Variants in EPHA6 observed in about 807,000 individuals in gnomAD.
EPHA6 encodes the protein EPH receptor A6, also known as ephrin type-A receptor 6.
In EPHA6, 50 loss-of-function variants were observed where a neutral mutation model predicts 112.0. The observed-to-expected ratio is 0.45, with a 90% confidence interval of 0.36 to 0.56. The LOEUF is 0.56. Among genes scored for constraint, EPHA6 ranks in the 20% least tolerant of loss-of-function variants. EPHA6 has a pLI of 0.00. For synonymous variants in EPHA6, 529 were observed against 490.7 expected (o/e 1.08, Z -1.03); for missense variants, 1,280 against 1,417.4 (o/e 0.90, Z 1.56).
chr3:97,536,277 T>C (rs2092762899), intron 11 of EPHA6, among the ~76,000 whole-genome samples: 1 of 152,130 alleles, frequency 6.6e-6, no homozygotes, highest in South Asian at 2.1e-4. Context: ...GGTTTAATGA[T>C]GAAGAAATAC....
intron 3 of EPHA6, among the ~76,000 whole-genome samples, chr3:97,118,114 T>C (rs1215154816): frequency 1.3e-5 from 2 of 151,836 alleles, no homozygotes; most frequent in Non-Finnish European, 1.5e-5. Flanking sequence ...TAAATGATTA[T>C]ATTTCATTAA....
chr3:97,581,790 C>G (rs2093440958), intron 11 of EPHA6, among the ~76,000 whole-genome samples: 1 of 152,186 alleles, frequency 6.6e-6, no homozygotes, highest in African/African-American at 2.4e-5. Context: ...TTTGCTGCCT[C>G]CTGAGGGAGC....
At chr3:97,303,596 G>A (rs1430445011) in intron 5 of EPHA6, among the ~76,000 whole-genome samples, 3 of 151,962 alleles carry the variant, frequency 2.0e-5, no homozygotes, top group Non-Finnish European at 4.4e-5. Context: ...ATTGGTACCA[G>A]CATAGAGAAA....
At chr3:97,306,643 G>C (rs2081332392) in intron 5 of EPHA6, among the ~76,000 whole-genome samples, 1 of 151,794 alleles carries the variant, frequency 6.6e-6, no homozygotes. Flanking sequence ...GGATGTACAG[G>C]AAACAAGCAA....
At chr3:97,270,068 A>G (rs2079828836) in intron 5 of EPHA6, among the ~76,000 whole-genome samples, 1 of 152,214 alleles carries the variant, frequency 6.6e-6, no homozygotes, top group Non-Finnish European at 1.5e-5. Flanking sequence ...TATCTTTCAT[A>G]TCTTGAGTTT....
chr3:97,376,933 G>A (rs759074018), intron 5 of EPHA6, among the ~76,000 whole-genome samples: 2 of 152,080 alleles, frequency 1.3e-5, no homozygotes, highest in Non-Finnish European at 2.9e-5. Context: ...AAAACCATCT[G>A]GAATCTGAAA....
chr3:97,578,789 A>C (rs2107270713), intron 11 of EPHA6, among the ~76,000 whole-genome samples: 1 of 152,346 alleles, frequency 6.6e-6, no homozygotes, highest in African/African-American at 2.4e-5. Flanking sequence ...AAAAAATTTC[A>C]GGGAACTAAA....
intron 11 of EPHA6, among the ~76,000 whole-genome samples, chr3:97,538,418 T>G (rs1042565011): frequency 6.6e-6 from 1 of 152,092 alleles, no homozygotes; most frequent in African/African-American, 2.4e-5. Flanking sequence ...GGGAAAATAG[T>G]GAATTCTTAT....
intron 5 of EPHA6, among the ~76,000 whole-genome samples, chr3:97,389,024 C>T (rs369772948): frequency 2.0e-5 from 3 of 152,054 alleles, no homozygotes; most frequent in South Asian, 4.1e-4. Context: ...TGATAGGTTA[C>T]TTGTCTTTAA....
chr3:97,416,556 T>C (rs2088137572), intron 6 of EPHA6, among the ~76,000 whole-genome samples: 1 of 152,058 alleles, frequency 6.6e-6, no homozygotes, highest in Non-Finnish European at 1.5e-5. Context: ...GAAGAGACAG[T>C]GTTCTGTGGC....
chr3:97,631,673 C>T (rs139847092), intron 13 of EPHA6, among the ~76,000 whole-genome samples: 289 of 151,968 alleles, frequency 1.9e-3, no homozygotes, highest in African/African-American at 6.6e-3. Context: ...ATTGTAGGTA[C>T]CCATGACACC....
chr3:97,363,078 A>G (rs1400314909), intron 5 of EPHA6, among the ~76,000 whole-genome samples: 1 of 146,730 alleles, frequency 6.8e-6, no homozygotes, highest in Non-Finnish European at 1.5e-5. Flanking sequence ...AAGGTTAAGA[A>G]CTCTCTACAC....
At chr3:97,324,413 C>CTT (rs1477916119) in intron 5 of EPHA6, among the ~76,000 whole-genome samples, 1 of 116,814 alleles carries the variant, frequency 8.6e-6, no homozygotes, top group Non-Finnish European at 1.8e-5. Flanking sequence ...TCTTTTCTTT[C>CTT]TTTCTTTCTT....
chr3:97,357,331 C>A (rs1465161960), intron 5 of EPHA6, among the ~76,000 whole-genome samples: 1 of 152,104 alleles, frequency 6.6e-6, no homozygotes, highest in African/African-American at 2.4e-5. Flanking sequence ...CTAACCCTCT[C>A]AAGTAGCTGG....
At chr3:96,976,394 A>T (rs76108698) in intron 2 of EPHA6, among the ~76,000 whole-genome samples, 1,936 of 152,274 alleles carry the variant, frequency 0.013, 50 homozygotes, top group African/African-American at 0.044. Flanking sequence ...TTAGATTGTT[A>T]CACTTAAACC....
chr3:97,564,774 G>T (rs935347775), intron 11 of EPHA6, among the ~76,000 whole-genome samples: 13 of 152,050 alleles, frequency 8.5e-5, no homozygotes, highest in African/African-American at 2.7e-4. Context: ...AAATCTCTGA[G>T]GCTAATGTTA....
chr3:97,667,789 G>C (rs1195372864), intron 14 of EPHA6, among the ~76,000 whole-genome samples: 1 of 152,040 alleles, frequency 6.6e-6, no homozygotes, highest in Non-Finnish European at 1.5e-5. Flanking sequence ...TCTCATATTT[G>C]CTCTTTTTCA....
intron 9 of EPHA6, chr3:97,481,383 C>A: frequency 6.6e-7 from 1 of 1,514,856 alleles, no homozygotes; most frequent in Admixed American, 1.7e-5. Context: ...GTTTCTACTC[C>A]CTGAAATTTT....
rs866543608 is a variant in EPHA6, at chr3:96,934,931, T to C, written c.451-52399T>C. 3.3e-5 allele frequency among the ~76,000 whole-genome samples: 5 copies of C among 151,910 alleles called. No homozygotes were observed. In the Middle Eastern group the frequency reaches 0.017, roughly 527 times the overall value. On this transcript the variant is annotated intron_variant, in intron 2 of 17. Transcript: ENST00000389672. ...AATTATCTTCTCCATTACTTGTTTT[T>C]AATATACTAACATCATAAAGAAATG... is the stretch of plus-strand genomic sequence containing the variant.
Sources: gnomAD v4.1 joint callset for allele counts (sites outside exome capture counted in the v4.1 genomes callset) on GRCh38, gnomAD v4.1.1 for gene constraint, MANE v1.5 for transcripts, NCBI Gene and HGNC (gene_info 2026-07-23, HGNC 2026-07-21) for gene names.